The following PLAT variants were observed in gnomAD, a reference collection of about 807,000 sequenced individuals.
The protein encoded by PLAT is tissue-type plasminogen activator.
Under a neutral mutation model 74.9 loss-of-function variants are expected in PLAT, and 48 were observed. That is an observed-to-expected ratio of 0.64 (90% CI 0.51 to 0.82). The LOEUF (loss-of-function observed/expected upper bound fraction) is 0.82, where lower values mean the gene tolerates loss of function less well. Among genes scored for constraint, PLAT ranks in the 40% least tolerant of loss-of-function variants. The pLI is 0.00. For synonymous variants in PLAT, 307 were observed against 294.4 expected (o/e 1.04, Z -0.44); for missense variants, 673 against 736.2 (o/e 0.91, Z 0.99).
rs151006962 is a variant in PLAT, at chr8:42,180,647, G to A, written c.928C>T (p.Arg310Cys). 1.2e-3 allele frequency: 1,916 copies of A among 1,602,552 alleles called. 1 individual carries two copies. Among genetic ancestry groups the A allele is most frequent in the Non-Finnish European group, 1.5e-3 (1,716 of 1,173,428 alleles). Residue 310 changes from arginine to cysteine, a missense_variant, in exon 10 of 14, where the codon CGC (arginine) becomes TGC (cysteine). By Grantham distance (180) the Arg-to-Cys change is radical. Transcript: ENST00000220809. ...TCGGCGAAGAGCCCTCCTTTGATGC[G>A]AAACTGAGGCTGGCTGTACTGTCTC... ...GLRQYSQPQF[R>C]IKGGLFADIA...
intron 3 of PLAT, 149 bp downstream of exon 3, chr8:42,191,223 G>A: frequency 1.5e-6 from 1 of 681,334 alleles, no homozygotes; most frequent in South Asian, 1.7e-5. Context: ...GCCGACACAG[G>A]CATCTCTGTA....
At chr8:42,193,326 G>A in intron 1 of PLAT, 115 bp from the exon 2 acceptor site, 2 of 652,600 alleles carry the variant, frequency 3.1e-6, no homozygotes, top group Non-Finnish European at 5.5e-6. Flanking sequence ...CAGCCCCGCG[G>A]CAGAAACGCC....
chr8:42,179,815 G>T (rs756391976), intron 12 of PLAT, 111 bp downstream of exon 12: 10 of 1,116,268 alleles, frequency 9.0e-6, no homozygotes, highest in African/African-American at 3.6e-5. Context: ...TGGCGTCAGT[G>T]CCTGACCCGG....
Position 42,175,894 on chromosome 8 carries a change from G to A in PLAT, c.*99C>T, listed in dbSNP as rs372041453. On this transcript the variant is annotated 3_prime_UTR_variant, in exon 14 of 14. Transcript: ENST00000220809. ...TCGTCCCGCTTCTGCGGTGTGGTGGGTCTGGAGAAGTCTGTAGAGAAGCAC... is the reference window on the plus strand; with the variant it reads ...TCGTCCCGCTTCTGCGGTGTGGTGGATCTGGAGAAGTCTGTAGAGAAGCAC... The A allele has an allele frequency of 5.3e-4, 615 of 1,166,174 alleles. 3 individuals are homozygous for A. The African/African-American group carries it at 8.2e-3, about 15-fold the overall frequency. The allele number at this position is 1,166,174 out of a possible 1,614,324, so 72.2% of individuals were successfully genotyped here.
chr8:42,196,390 C>T (rs1254829591), intron 1 of PLAT, among the ~76,000 whole-genome samples: 1 of 152,168 alleles, frequency 6.6e-6, no homozygotes, highest in Non-Finnish European at 1.5e-5. Flanking sequence ...CCCAGCAGGG[C>T]GATAGCTCTG....
At chr8:42,180,952 C>T (rs1258918594) in intron 9 of PLAT, among the ~76,000 whole-genome samples, 2 of 152,234 alleles carry the variant, frequency 1.3e-5, no homozygotes, top group Admixed American at 1.3e-4. Context: ...TCCTTCATTC[C>T]TTCTAATGTT....
intron 1 of PLAT, among the ~76,000 whole-genome samples, chr8:42,206,124 A>G (rs1052198197): frequency 3.9e-5 from 6 of 152,238 alleles, no homozygotes; most frequent in Admixed American, 3.9e-4. Context: ...TCATTGTGAA[A>G]TAAACCAAGC....
At chr8:42,197,867 TCTC>T (rs1380229803) in intron 1 of PLAT, among the ~76,000 whole-genome samples, 6 of 152,154 alleles carry the variant, frequency 3.9e-5, no homozygotes, top group Non-Finnish European at 8.8e-5. Context: ...AGGCATAAAA[TCTC>T]CTGCCAGCAA....
At position 42,179,003 on chromosome 8, in the gene PLAT, C is replaced by T. The variant is rs773140572; in HGVS notation, c.1424G>A (p.Arg475His). 9.3e-6 allele frequency: 15 copies of T among 1,613,478 alleles called. No individual in the cohort carries two copies. The highest frequency in any genetic ancestry group is 1.7e-4 in the Middle Eastern group (1 of 6,056). ...GTTAAGTAAATGTTGTGATGTGCAG[C>T]GGCTGGATGGGTACAGTCTGACATG... ...EAHVRLYPSS[R>H]CTSQHLLNRT... Residue 475 changes from arginine to histidine, a missense_variant, in exon 13 of 14, where the codon CGC becomes CAC. Transcript: ENST00000220809.
At chr8:42,189,168 C>A in intron 3 of PLAT, 97 bp from the exon 4 acceptor site, 1 of 1,249,750 alleles carries the variant, frequency 8.0e-7, no homozygotes, top group South Asian at 1.3e-5. Flanking sequence ...CACTTGCTTT[C>A]TATAGACTCC....
intron 13 of PLAT, among the ~76,000 whole-genome samples, chr8:42,177,267 A>G (rs1194260279): frequency 6.6e-6 from 1 of 152,226 alleles, no homozygotes; most frequent in Non-Finnish European, 1.5e-5. Context: ...ACTCTTGTTT[A>G]TATCAATTAG....
chr8:42,176,191 C>T, intron 13 of PLAT, 40 bp from the exon 14 acceptor site: 1 of 1,558,796 alleles, frequency 6.4e-7, no homozygotes, highest in Non-Finnish European at 8.8e-7. Flanking sequence ...GCAAAAAAAG[C>T]AGACTATCTG....
intron 6 of PLAT, chr8:42,186,972 A>T (rs536816300): frequency 6.4e-6 from 1 of 156,414 alleles, no homozygotes; most frequent in South Asian, 2.0e-4. Context: ...TCTATCATCT[A>T]TGTATCTATC....
At position 42,180,260 on chromosome 8, in the gene PLAT, T is replaced by C; in HGVS notation, c.1204A>G (p.Thr402Ala). ...CTCTTACCAATGTCATTGTCGTAAG[T>C]GTCATCATCGAATTCCTTATGGACA... ...YIVHKEFDDD[T>A]YDNDIALLQL... Residue 402 changes from threonine (T) to alanine (A), a missense_variant, in exon 11 of 14, where the codon ACT becomes GCT. Physicochemically the swap from Thr to Ala is moderately conservative, Grantham distance 58. Coordinates refer to ENST00000220809, the MANE Select transcript of PLAT (RefSeq NM_000930.5). 1 of 1,614,230 alleles carries C rather than the reference T, an allele frequency of 6.2e-7. No homozygotes were observed. Among genetic ancestry groups the C allele is most frequent in the Non-Finnish European group, 8.5e-7 (1 of 1,180,032 alleles).
intron 1 of PLAT, among the ~76,000 whole-genome samples, chr8:42,204,362 A>C (rs999637895): frequency 6.6e-6 from 1 of 152,190 alleles, no homozygotes; most frequent in African/African-American, 2.4e-5. Flanking sequence ...CGTCCCAACA[A>C]TCTCATCAAA....
chr8:42,182,265 G>A (rs1050622584), intron 8 of PLAT: 1 of 415,630 alleles, frequency 2.4e-6, no homozygotes, highest in African/African-American at 2.0e-5. Flanking sequence ...AGGAGACTCA[G>A]TCAACCAATG....
rs1466488102 is a variant in PLAT at position 42,174,985 on chromosome 8, A to T, written c.*1008T>A. ...CCAATCCCTCTTGCAACTGAATTCTACTACAAGTCTGCCCTTTTGTGACCG... is the reference window on the plus strand; with the variant it reads ...CCAATCCCTCTTGCAACTGAATTCTTCTACAAGTCTGCCCTTTTGTGACCG... On this transcript the variant is annotated 3_prime_UTR_variant, in exon 14 of 14. Transcript: ENST00000220809. Among the ~76,000 whole-genome samples the T allele has an allele frequency of 1.3e-5, 2 of 152,068 alleles. No homozygotes were observed. The highest frequency in any genetic ancestry group is 2.9e-5 in the Non-Finnish European group (2 of 68,014).
At chr8:42,203,033 G>A (rs973724557) in intron 1 of PLAT, among the ~76,000 whole-genome samples, 6 of 152,118 alleles carry the variant, frequency 3.9e-5, no homozygotes, top group Admixed American at 3.9e-4. Flanking sequence ...GGGTGTCCTG[G>A]GAGGACGTGT....
At chr8:42,197,945 T>C (rs912962357) in intron 1 of PLAT, among the ~76,000 whole-genome samples, 19 of 152,320 alleles carry the variant, frequency 1.2e-4, no homozygotes, top group African/African-American at 4.1e-4. Context: ...CGGTTTCTGT[T>C]CTGTTGTGAG....
Sources: gnomAD v4.1 joint callset for allele counts (sites outside exome capture counted in the v4.1 genomes callset) on GRCh38, gnomAD v4.1.1 for gene constraint, MANE v1.5 for transcripts, NCBI Gene and HGNC (gene_info 2026-07-23, HGNC 2026-07-21) for gene names.